The following KCNQ3 variants were observed in gnomAD, a reference collection of about 807,000 sequenced individuals.
The protein encoded by KCNQ3 is potassium voltage-gated channel subfamily Q member 3.
Under a neutral mutation model 92.5 loss-of-function variants are expected in KCNQ3, and 30 were observed. The observed-to-expected ratio is 0.32, with a 90% CI of 0.24 to 0.44. The LOEUF (loss-of-function observed/expected upper bound fraction) is 0.44. Ranked by LOEUF, KCNQ3 falls within the 20% of genes least tolerant of loss-of-function variation. The pLI is 1.00. For missense variants in KCNQ3, 913 were observed against 1,140.3 expected, an observed-to-expected ratio of 0.80 and a Z score of 2.87; for synonymous variants, 450 against 468.8, an observed-to-expected ratio of 0.96 and a Z score of 0.52.
At chr8:132,343,622 G>A (rs112480314) in intron 1 of KCNQ3, among the ~76,000 whole-genome samples, 3,608 of 152,160 alleles carry the variant, frequency 0.024, 57 homozygotes, top group African/African-American at 0.039. Flanking sequence ...GCAGAAGGAG[G>A]GCCACCACCA....
intron 1 of KCNQ3, among the ~76,000 whole-genome samples, chr8:132,370,423 C>T (rs892104894): frequency 1.3e-5 from 2 of 152,190 alleles, no homozygotes; most frequent in Non-Finnish European, 2.9e-5. Context: ...TGCTTTGATG[C>T]TTGCCTGGGG....
chr8:132,322,568 C>T (rs1817924535), intron 1 of KCNQ3, among the ~76,000 whole-genome samples: 1 of 152,162 alleles, frequency 6.6e-6, no homozygotes, highest in South Asian at 2.1e-4. Flanking sequence ...GTAGGTCCTA[C>T]CTTTTATTTA....
At chr8:132,396,956 G>GTGTGTGTGTA (rs1820209511) in intron 1 of KCNQ3, among the ~76,000 whole-genome samples, 1 of 151,922 alleles carries the variant, frequency 6.6e-6, no homozygotes, top group South Asian at 2.1e-4. Flanking sequence ...GTGCGTGTGT[G>GTGTGTGTGTA]TGTGTGTGTA....
At position 132,217,710 on chromosome 8, in the gene KCNQ3, C is replaced by CAAAAAAA. The variant is rs1170925572; in HGVS notation, c.387-31536_387-31530dup. 1.4e-3 allele frequency among the ~76,000 whole-genome samples: 93 copies of CAAAAAAA among 65,962 alleles called. 1 individual carries two copies. The highest frequency in any genetic ancestry group is 1.7e-3 in the African/African-American group (29 of 16,732). 43.3% of individuals were successfully genotyped at this position (65,962 alleles called of 152,430 possible). A position where few individuals can be genotyped will look rare whatever the true frequency, so the allele number is the denominator to read the frequency against. On this transcript the variant is annotated intron_variant, in intron 1 of 14. Coordinates refer to ENST00000388996, the MANE Select transcript of KCNQ3 (RefSeq NM_004519.4). Reference sequence around the variant, plus strand: ...TGGGCGACAGAGTGAGGCTCTGTCTCAAAAAAAAAAAAAAAAAAAACAAAA... The same window carrying CAAAAAAA: ...TGGGCGACAGAGTGAGGCTCTGTCTCAAAAAAAAAAAAAAAAAAAAAAAAAAACAAAA...
intron 1 of KCNQ3, among the ~76,000 whole-genome samples, chr8:132,340,392 A>G (rs1818492115): frequency 6.6e-6 from 1 of 152,226 alleles, no homozygotes; most frequent in African/African-American, 2.4e-5. Flanking sequence ...ATGGATAAAG[A>G]AAATGTGGCA....
At chr8:132,468,210 G>A (rs1822224613) in intron 1 of KCNQ3, among the ~76,000 whole-genome samples, 2 of 152,236 alleles carry the variant, frequency 1.3e-5, no homozygotes, top group South Asian at 4.1e-4. Context: ...ACATGAGACA[G>A]CTGATATGGA....
chr8:132,448,617 T>C (rs887848815), intron 1 of KCNQ3, among the ~76,000 whole-genome samples: 16 of 151,844 alleles, frequency 1.1e-4, no homozygotes, highest in Non-Finnish European at 1.9e-4. Context: ...TGCTATTTTA[T>C]AGCTAGGAAA....
chr8:132,280,218 T>C (rs1373661465), intron 1 of KCNQ3, among the ~76,000 whole-genome samples: 1 of 152,210 alleles, frequency 6.6e-6, no homozygotes, highest in Non-Finnish European at 1.5e-5. Flanking sequence ...GGTTAGCTAC[T>C]TTAACTTGGG....
At chr8:132,224,081 A>ATTTGTTTTTTTTTTTTTTTTT (rs1814325286) in intron 1 of KCNQ3, among the ~76,000 whole-genome samples, 1 of 39,460 alleles carries the variant, frequency 2.5e-5, no homozygotes, top group African/African-American at 8.3e-5. Flanking sequence ...ATGCCAGGCT[A>ATTTGTTTTTTTTTTTTTTTTT]TTTTTTTTTT....
At chr8:132,310,821 C>A (rs1012063720) in intron 1 of KCNQ3, among the ~76,000 whole-genome samples, 53 of 152,142 alleles carry the variant, frequency 3.5e-4, no homozygotes, top group Admixed American at 2.9e-3. Context: ...GGAATGGATT[C>A]TTTGAAAAAT....
intron 1 of KCNQ3, among the ~76,000 whole-genome samples, chr8:132,213,644 C>G (rs1813937200): frequency 6.6e-6 from 1 of 152,182 alleles, no homozygotes. Flanking sequence ...GCTCAAAGGC[C>G]ACAGGCTTAG....
At chr8:132,284,974 C>G (rs1259195621) in intron 1 of KCNQ3, among the ~76,000 whole-genome samples, 1 of 152,184 alleles carries the variant, frequency 6.6e-6, no homozygotes, top group Non-Finnish European at 1.5e-5. Context: ...AGTGCTTCAC[C>G]AAATGCAGCT....
At chr8:132,266,918 T>C (rs1816000094) in intron 1 of KCNQ3, among the ~76,000 whole-genome samples, 1 of 152,208 alleles carries the variant, frequency 6.6e-6, no homozygotes, top group Non-Finnish European at 1.5e-5. Context: ...CTGAGTTTCA[T>C]ATCTAAAAAT....
At chr8:132,254,343 T>C (rs531690069) in intron 1 of KCNQ3, among the ~76,000 whole-genome samples, 1 of 152,276 alleles carries the variant, frequency 6.6e-6, no homozygotes, top group East Asian at 1.9e-4. Context: ...TTAAGAAACA[T>C]TAACAATTTA....
intron 12 of KCNQ3, 107 bp from the exon 13 acceptor site, chr8:132,134,495 AAGAGGAGAGG>A (rs769666056): frequency 1.5e-5 from 12 of 791,116 alleles, no homozygotes; most frequent in Admixed American, 1.0e-4. Context: ...TGGAATATAT[AAGAGGAGAGG>A]AGAGGAGAGG....
intron 1 of KCNQ3, among the ~76,000 whole-genome samples, chr8:132,378,115 C>T (rs1390171996): frequency 2.0e-5 from 3 of 152,052 alleles, no homozygotes; most frequent in East Asian, 1.9e-4. Flanking sequence ...ACAATATGGC[C>T]GGGCATGGTG....
intron 8 of KCNQ3, among the ~76,000 whole-genome samples, chr8:132,168,147 T>C (rs896515370): frequency 1.3e-5 from 2 of 152,206 alleles, no homozygotes; most frequent in African/African-American, 4.8e-5. Context: ...GCCTGTTCTC[T>C]TTCAGGTCCT....
intron 1 of KCNQ3, among the ~76,000 whole-genome samples, chr8:132,422,964 TG>T (rs1554653910): frequency 2.6e-5 from 4 of 151,718 alleles, no homozygotes; most frequent in Non-Finnish European, 4.4e-5. Flanking sequence ...AGGAAGGAGA[TG>T]GGGTTGGAGA....
chr8:132,275,767 C>T (rs376359645), intron 1 of KCNQ3, among the ~76,000 whole-genome samples: 2 of 151,962 alleles, frequency 1.3e-5, no homozygotes, highest in South Asian at 2.1e-4. Flanking sequence ...TTAGTAGAAA[C>T]GGGGTTTCAC....
Sources: gnomAD v4.1 joint callset for allele counts (sites outside exome capture counted in the v4.1 genomes callset) on GRCh38, gnomAD v4.1.1 for gene constraint, MANE v1.5 for transcripts, NCBI Gene and HGNC (gene_info 2026-07-23, HGNC 2026-07-21) for gene names.